LRRC4C: variants seen among roughly 807,000 people sequenced by gnomAD.
The protein encoded by LRRC4C is leucine rich repeat containing 4C.
A neutral mutation model predicts 33.6 loss-of-function variants in LRRC4C; 5 were observed. The observed-to-expected ratio is 0.15, with a 90% confidence interval of 0.08 to 0.31. LRRC4C has a LOEUF of 0.31. LRRC4C is among the 10% of genes least tolerant of loss of function. The pLI is 1.00. For synonymous variants in LRRC4C, 329 were observed against 302.0 expected (o/e 1.09, Z -0.93); for missense variants, 560 against 796.7 (o/e 0.70, Z 3.58).
chr11:41,133,991 T>C (rs1022149622), intron 1 of LRRC4C, among the ~76,000 whole-genome samples: 2 of 152,208 alleles, frequency 1.3e-5, no homozygotes, highest in Non-Finnish European at 2.9e-5. Context: ...ATCCACACTC[T>C]AATTCAACTG....
intron 5 of LRRC4C, among the ~76,000 whole-genome samples, chr11:40,208,184 A>T (rs1863300087): frequency 6.6e-6 from 1 of 152,196 alleles, no homozygotes; most frequent in Non-Finnish European, 1.5e-5. Flanking sequence ...TATTTTGCTC[A>T]TATGATATGA....
At chr11:40,533,488 G>C (rs1956352686) in intron 3 of LRRC4C, among the ~76,000 whole-genome samples, 1 of 151,208 alleles carries the variant, frequency 6.6e-6, no homozygotes, top group Non-Finnish European at 1.5e-5. Context: ...GTGTGGGGGA[G>C]AATTGACCTC....
chr11:40,743,811 T>C (rs1480564492), intron 2 of LRRC4C, among the ~76,000 whole-genome samples: 4 of 152,122 alleles, frequency 2.6e-5, no homozygotes, highest in Non-Finnish European at 4.4e-5. Flanking sequence ...TCTCATTTTT[T>C]CCCTATTGTC....
intron 3 of LRRC4C, among the ~76,000 whole-genome samples, chr11:40,572,222 G>A (rs546165771): frequency 6.6e-6 from 1 of 152,254 alleles, no homozygotes; most frequent in East Asian, 1.9e-4. Flanking sequence ...AGTTAGAAAG[G>A]ATAGGCTAGA....
At chr11:40,302,122 G>C (rs144396723) in intron 4 of LRRC4C, among the ~76,000 whole-genome samples, 58 of 152,298 alleles carry the variant, frequency 3.8e-4, no homozygotes, top group South Asian at 6.2e-4. Context: ...AAATATGCTT[G>C]TGGCTAATAA....
intron 1 of LRRC4C, among the ~76,000 whole-genome samples, chr11:40,935,713 G>C (rs946533784): frequency 6.6e-6 from 1 of 151,898 alleles, no homozygotes; most frequent in Non-Finnish European, 1.5e-5. Context: ...CATATTTTTA[G>C]AATGTATTCC....
chr11:40,197,915 C>T (rs1862394713), intron 5 of LRRC4C, among the ~76,000 whole-genome samples: 1 of 152,052 alleles, frequency 6.6e-6, no homozygotes, highest in Non-Finnish European at 1.5e-5. Flanking sequence ...GTGCCAAATA[C>T]TATATTATTA....
At chr11:40,881,425 A>T (rs1955169637) in intron 2 of LRRC4C, among the ~76,000 whole-genome samples, 1 of 152,156 alleles carries the variant, frequency 6.6e-6, no homozygotes. Flanking sequence ...AGGGTAAGAT[A>T]TATTGGGTTT....
At chr11:41,394,915 G>A (rs1294810631) in intron 1 of LRRC4C, 1 of 151,916 alleles carries the variant, frequency 6.6e-6, no homozygotes, top group Non-Finnish European at 1.5e-5. Context: ...TGCTATCGTG[G>A]TATATGGCAC....
chr11:40,987,651 A>ATATC (rs1286953408), intron 1 of LRRC4C, among the ~76,000 whole-genome samples: 3 of 47,880 alleles, frequency 6.3e-5, no homozygotes, highest in Admixed American at 2.2e-4. Flanking sequence ...ATATATATAT[A>ATATC]TCTCATATAT....
At position 40,511,059 on chromosome 11, in the gene LRRC4C, G is replaced by A. The variant is rs180788749; in HGVS notation, c.-270+137083C>T. On this transcript the variant is annotated intron_variant, in intron 3 of 6. Coordinates refer to ENST00000528697, the MANE Select transcript of LRRC4C (RefSeq NM_001258419.2). ...GAAAAATCCTCTATTAAGCCTTATT[G>A]TAAGGTGTGCCTCTTAGGCAATATC... Among the ~76,000 whole-genome samples, 285 of 152,262 alleles carry A rather than the reference G, an allele frequency of 1.9e-3. 1 individual carries two copies. The highest frequency in any genetic ancestry group is 6.7e-3 in the African/African-American group (277 of 41,562).
At chr11:40,900,940 A>G (rs1956169828) in intron 2 of LRRC4C, among the ~76,000 whole-genome samples, 1 of 152,040 alleles carries the variant, frequency 6.6e-6, no homozygotes, top group Non-Finnish European at 1.5e-5. Flanking sequence ...GTCATTTTCT[A>G]TACTTTAAAA....
intron 3 of LRRC4C, 39 bp from the exon 4 acceptor site, chr11:40,319,760 T>G (rs1165107027): frequency 6.6e-6 from 1 of 152,182 alleles, no homozygotes; most frequent in Admixed American, 6.6e-5. Flanking sequence ...TTTAAAATCA[T>G]GCTATACAAG....
At chr11:40,225,397 G>T (rs1016298540) in intron 5 of LRRC4C, among the ~76,000 whole-genome samples, 1 of 152,078 alleles carries the variant, frequency 6.6e-6, no homozygotes, top group Non-Finnish European at 1.5e-5. Flanking sequence ...AAGTTCTATT[G>T]TCCTCATTTG....
chr11:41,311,996 T>C (rs1289193303), intron 1 of LRRC4C, among the ~76,000 whole-genome samples: 1 of 152,234 alleles, frequency 6.6e-6, no homozygotes, highest in African/African-American at 2.4e-5. Context: ...TCCATTGAGA[T>C]AGCAAGAGCT....
At chr11:40,656,590 G>A (rs1495317) in intron 2 of LRRC4C, among the ~76,000 whole-genome samples, 60,650 of 151,564 alleles carry the variant, frequency 0.4, 12,793 homozygotes, top group East Asian at 0.61. Flanking sequence ...AGGCCTTCAC[G>A]CTCTCGAGAG....
At chr11:41,182,198 T>G (rs954553622) in intron 1 of LRRC4C, among the ~76,000 whole-genome samples, 2 of 152,200 alleles carry the variant, frequency 1.3e-5, no homozygotes, top group African/African-American at 4.8e-5. Flanking sequence ...TTGATACCAT[T>G]TATATGCTCC....
chr11:41,318,148 T>C (rs1245731616), intron 1 of LRRC4C, among the ~76,000 whole-genome samples: 1 of 152,228 alleles, frequency 6.6e-6, no homozygotes, highest in African/African-American at 2.4e-5. Flanking sequence ...TAATCCCATT[T>C]TGAATATTTC....
intron 3 of LRRC4C, among the ~76,000 whole-genome samples, chr11:40,600,988 G>T (rs952737988): frequency 1.3e-5 from 2 of 152,256 alleles, no homozygotes; most frequent in East Asian, 3.9e-4. Context: ...AACCTGTATA[G>T]ACCTGTTAAC....
Sources: allele counts gnomAD v4.1 joint callset (sites outside exome capture counted in the v4.1 genomes callset), GRCh38; gene constraint gnomAD v4.1.1; transcripts MANE v1.5; gene names NCBI Gene and HGNC (gene_info 2026-07-23, HGNC 2026-07-21).